PIKFYVE: variants seen among roughly 807,000 people sequenced by gnomAD.
PIKFYVE encodes the protein 1-phosphatidylinositol 3-phosphate 5-kinase.
PIKFYVE carries 122 observed loss-of-function variants against 257.9 expected under a neutral mutation model. The ratio of observed to expected loss-of-function variants is 0.47; its 90% CI spans 0.41 to 0.55. The LOEUF is 0.55. PIKFYVE is among the 20% of genes least tolerant of loss of function. The pLI is 0.00. For missense variants in PIKFYVE, 2,160 were observed against 2,536.6 expected, an observed-to-expected ratio of 0.85 and a Z score of 3.19; for synonymous variants, 892 against 868.9, an observed-to-expected ratio of 1.03 and a Z score of -0.47.
At chr2:208,338,636 T>C (rs1251043543) in intron 29 of PIKFYVE, 68 bp downstream of exon 29, 3 of 1,513,960 alleles carry the variant, frequency 2.0e-6, no homozygotes, top group Non-Finnish European at 2.8e-6. Flanking sequence ...ATAAGTTGTT[T>C]TAAACTGTTT....
chr2:208,309,498 G>A (rs1694722835), intron 12 of PIKFYVE, among the ~76,000 whole-genome samples: 1 of 152,146 alleles, frequency 6.6e-6, no homozygotes, highest in Non-Finnish European at 1.5e-5. Context: ...CTAGAATGAG[G>A]ATCCAATTTA....
intron 32 of PIKFYVE, 78 bp downstream of exon 32, chr2:208,342,727 C>A: frequency 8.5e-7 from 1 of 1,171,208 alleles, no homozygotes. Context: ...TTTTTGGAAT[C>A]TTTCACATAA....
intron 29 of PIKFYVE, among the ~76,000 whole-genome samples, chr2:208,339,155 A>G (rs1698456930): frequency 6.6e-6 from 1 of 152,182 alleles, no homozygotes; most frequent in African/African-American, 2.4e-5. Context: ...TTGTGGTATA[A>G]TGGATAGCGT....
intron 41 of PIKFYVE, 141 bp from the exon 42 acceptor site, chr2:208,355,049 G>A: frequency 1.4e-6 from 1 of 728,034 alleles, no homozygotes; most frequent in Non-Finnish European, 2.5e-6. Flanking sequence ...TGGCACAACA[G>A]ATAACCTTTC....
chr2:208,301,632 A>T (rs1462116984), intron 9 of PIKFYVE, among the ~76,000 whole-genome samples: 1 of 152,262 alleles, frequency 6.6e-6, no homozygotes, highest in Non-Finnish European at 1.5e-5. Context: ...AGCTTTAAGC[A>T]GTAAAGCCCT....
At chr2:208,339,949 G>A in intron 30 of PIKFYVE, 62 bp from the exon 31 acceptor site, 3 of 1,560,286 alleles carry the variant, frequency 1.9e-6, no homozygotes, top group Middle Eastern at 1.7e-4. Context: ...ACCAAAGTCA[G>A]CAGTTTATAC....
intron 7 of PIKFYVE, among the ~76,000 whole-genome samples, chr2:208,290,494 A>G (rs1215743313): frequency 1.3e-5 from 2 of 152,240 alleles, no homozygotes. Flanking sequence ...TTGGCTGGAT[A>G]CACTATAGTT....
At chr2:208,324,356 A>G in intron 18 of PIKFYVE, 74 bp downstream of exon 18, 9 of 1,481,966 alleles carry the variant, frequency 6.1e-6, no homozygotes, top group South Asian at 1.2e-5. Flanking sequence ...TATGGTAGGT[A>G]TACAAGAATC....
chr2:208,271,573 T>A lies in PIKFYVE; in HGVS notation c.54T>A (p.Pro18=), dbSNP rs768871873. ...CACTGGACTCTGCTAATGATTTGCC[T>A]CGATCTCCTACTAGTCCTTCTCATC... is the stretch of plus-strand genomic sequence containing the variant. ...SPTLDSANDL[P]RSPTSPSHLT... Residue 18 remains proline, a synonymous_variant, in exon 2 of 42, where the codon CCT becomes CCA. Coordinates refer to ENST00000264380, the MANE Select transcript of PIKFYVE (RefSeq NM_015040.4). 1.9e-6 allele frequency: 3 copies of A among 1,614,168 alleles called. No individual in the cohort carries two copies. The highest frequency in any genetic ancestry group is 2.5e-6 in the Non-Finnish European group (3 of 1,179,996).
chr2:208,338,589 A>T (rs774805501), intron 29 of PIKFYVE, 21 bp downstream of exon 29: 1 of 1,604,750 alleles, frequency 6.2e-7, no homozygotes, highest in Non-Finnish European at 8.5e-7. Flanking sequence ...GAGTCTGGTG[A>T]TCACTTGCCG....
In PIKFYVE at chr2:208,312,261, A is replaced by G. The variant is rs1695015664; in HGVS notation, c.1662A>G (p.Gly554=). 2.5e-6 allele frequency: 4 copies of G among 1,611,996 alleles called. No individual in the cohort carries two copies. The highest frequency in any genetic ancestry group is 3.4e-6 in the Non-Finnish European group (4 of 1,178,728). ...QKEYLISDTG[G]QQLSISDAFI... ...AGTATTTGATTTCTGACACTGGAGG[A>G]CAACAGCTCTCAATAAGTGACGCTT... The change falls in exon 13 of 42, where the codon GGA becomes GGG. Residue 554 remains glycine, a synonymous_variant. Transcript: ENST00000264380.
chr2:208,306,882 A>AT (rs1444774993), intron 12 of PIKFYVE, among the ~76,000 whole-genome samples: 2 of 151,102 alleles, frequency 1.3e-5, no homozygotes, highest in African/African-American at 4.9e-5. Flanking sequence ...GGTTCAAGTG[A>AT]TTCTCCCACC....
chr2:208,352,595 G>T (rs1314263162), intron 38 of PIKFYVE, 59 bp from the exon 39 acceptor site: 38 of 1,567,562 alleles, frequency 2.4e-5, no homozygotes, highest in Non-Finnish European at 3.3e-5. Context: ...CCTTATATTG[G>T]TATTAAATTA....
Position 208,324,142 on chromosome 2 carries a change from G to GA in PIKFYVE, c.2194dup (p.Arg732LysfsTer13). 2 of 1,613,008 alleles carry GA rather than the reference G, an allele frequency of 1.2e-6. No individual in the cohort carries two copies. Among genetic ancestry groups the GA allele is most frequent in the Non-Finnish European group, 1.7e-6 (2 of 1,179,062 alleles). ...AATATTTCTGATTTATCTTACTTAG[G>GA]AAAGGGAATTCTTGAAGAATTATGT... On this transcript the variant is annotated frameshift_variant and splice_region_variant, in exon 18 of 42. Transcript: ENST00000264380. LOFTEE classifies it high-confidence loss of function.
chr2:208,350,813 A>G lies in PIKFYVE; in HGVS notation c.5477A>G (p.Tyr1826Cys), dbSNP rs1009042134. The change falls in exon 37 of 42, where the codon TAT becomes TGT. Residue 1826 changes from tyrosine (Y) to cysteine (C), a missense_variant. Physicochemically the swap from Tyr to Cys is radical, Grantham distance 194. Transcript: ENST00000264380. ...GCCAAGTTTTACTGTCGGCTCTACT[A>G]TGCGGGAGAGTTTCATAAGATGCGT... ...ANAKFYCRLYYAGEFHKMREV... is the reference protein window; with the variant it reads ...ANAKFYCRLYCAGEFHKMREV... 4 of 1,614,202 alleles carry G rather than the reference A, an allele frequency of 2.5e-6. No individual in the cohort carries two copies. Among genetic ancestry groups the G allele is most frequent in the South Asian group, 1.1e-5 (1 of 91,084 alleles).
Position 208,326,290 on chromosome 2 carries a change from G to C in PIKFYVE, c.3479G>C (p.Gly1160Ala), listed in dbSNP as rs1302094035. Residue 1160 changes from glycine to alanine, a missense_variant, in exon 20 of 42, where the codon GGA becomes GCA. By Grantham distance (60) the Gly-to-Ala change is moderately conservative. Coordinates refer to ENST00000264380, the MANE Select transcript of PIKFYVE (RefSeq NM_015040.4). ...RMLADYRARG[G>A]RIQPKNSDPF... ...CTGGCCGATTATCGAGCCAGAGGAG[G>C]AAGAATTCAGCCCAAAAATTCAGAC... is the stretch of plus-strand genomic sequence containing the variant. The C allele has an allele frequency of 6.2e-7, 1 of 1,600,926 alleles. No individual in the cohort carries two copies. The highest frequency in any genetic ancestry group is 1.7e-5 in the Admixed American group (1 of 58,402).
chr2:208,310,331 A>G (rs367977682), intron 12 of PIKFYVE, among the ~76,000 whole-genome samples: 6 of 152,266 alleles, frequency 3.9e-5, no homozygotes, highest in African/African-American at 1.4e-4. Context: ...ATATTGTTTC[A>G]GGCTGAGGAA....
At position 208,350,054 on chromosome 2, in the gene PIKFYVE, A is replaced by G. The variant is rs372681214; in HGVS notation, c.5405A>G (p.Lys1802Arg). 3.7e-6 allele frequency: 6 copies of G among 1,612,072 alleles called. No individual in the cohort carries two copies. The African/African-American group carries it at 8.0e-5, about 21-fold the overall frequency. Residue 1802 changes from lysine (K) to arginine (R), a missense_variant, in exon 36 of 42, where the codon AAG becomes AGG. Lys to Arg is a conservative substitution (Grantham distance 26, BLOSUM62 2). Transcript: ENST00000264380. ...GTAGATGGAGGAGATACACAAAAGA[A>G]GCAACTCATAAATCCTCATGTGGAA... is the stretch of plus-strand genomic sequence containing the variant. ...DEVDGGDTQK[K>R]QLINPHVELQ...
chr2:208,325,316 A>G lies in PIKFYVE; in HGVS notation c.2505A>G (p.Leu835=). The stretch of plus-strand genomic sequence containing the variant: ...TTTTTGAAGGTTGTCCACAGCACCT[A>G]GGCTGTACAATCAAGCTAAGAGGAG... The part of the protein sequence containing the change: ...LMFFEGCPQH[L]GCTIKLRGGS... Residue 835 remains leucine (L), a synonymous_variant, in exon 20 of 42, where the codon CTA becomes CTG. Transcript: ENST00000264380. 1 of 1,614,152 alleles carries G rather than the reference A, an allele frequency of 6.2e-7. No homozygotes were observed. The highest frequency in any genetic ancestry group is 8.5e-7 in the Non-Finnish European group (1 of 1,180,016).
Sources: allele counts gnomAD v4.1 joint callset (sites outside exome capture counted in the v4.1 genomes callset), GRCh38; gene constraint gnomAD v4.1.1; transcripts MANE v1.5; gene names NCBI Gene and HGNC (gene_info 2026-07-23, HGNC 2026-07-21).